CLSTN2: variants seen among roughly 807,000 people sequenced by gnomAD.
The protein encoded by CLSTN2 is calsyntenin-2.
Under a neutral mutation model 101.2 loss-of-function variants are expected in CLSTN2, and 48 were observed. That is an observed-to-expected ratio of 0.47 (90% CI 0.38 to 0.60). The LOEUF is 0.60. Among genes scored for constraint, CLSTN2 ranks in the 20% least tolerant of loss-of-function variants. The pLI, the probability that CLSTN2 is intolerant of heterozygous loss-of-function variation, is 0.00. For synonymous variants in CLSTN2, 481 were observed against 463.6 expected (o/e 1.04, Z -0.48); for missense variants, 1,160 against 1,238.2 (o/e 0.94, Z 0.95).
At position 140,576,417 on chromosome 3, in the gene CLSTN2, TG is replaced by T. The variant is rs1985732218; in HGVS notation, c.*10165del. 6.6e-6 allele frequency: 1 copy of T among 152,264 alleles called. No individual in the cohort carries two copies. 9.4% of individuals were successfully genotyped at this position (152,264 alleles called of 1,614,324 possible). On this transcript the variant is annotated 3_prime_UTR_variant, in exon 17 of 17. Transcript: ENST00000458420. ...CTATTGAATTTTTCACCTCCAGGCA[TG>T]ATTTTGTAACCAATGTAAAGGTTCT...
At chr3:140,394,220 A>ACAG (rs1458124622) in intron 2 of CLSTN2, among the ~76,000 whole-genome samples, 20 of 70,074 alleles carry the variant, frequency 2.9e-4, no homozygotes, top group Non-Finnish European at 7.0e-4. Flanking sequence ...TATGATGACC[A>ACAG]TAGGACAATG....
At chr3:140,483,512 C>CTT (rs1559883241) in intron 8 of CLSTN2, among the ~76,000 whole-genome samples, 16 of 152,052 alleles carry the variant, frequency 1.1e-4, no homozygotes, top group Admixed American at 9.8e-4. Context: ...AACTTTCTGT[C>CTT]GCATTGATCT....
chr3:140,075,830 C>T (rs933783542), intron 1 of CLSTN2, among the ~76,000 whole-genome samples: 1 of 151,912 alleles, frequency 6.6e-6, no homozygotes, highest in African/African-American at 2.4e-5. Context: ...GGCGGAGGGA[C>T]AGGAGGGGCC....
At chr3:140,384,775 C>A (rs891951060) in intron 2 of CLSTN2, among the ~76,000 whole-genome samples, 3 of 152,212 alleles carry the variant, frequency 2.0e-5, no homozygotes, top group African/African-American at 7.2e-5. Flanking sequence ...TGTCTTTCTT[C>A]TTCAGCTCAA....
intron 2 of CLSTN2, among the ~76,000 whole-genome samples, chr3:140,255,398 C>A (rs2086596369): frequency 6.6e-6 from 1 of 152,162 alleles, no homozygotes; most frequent in Admixed American, 6.5e-5. Flanking sequence ...TGGAATCAAC[C>A]TAGATGCCCA....
rs942796049 is a variant in CLSTN2 at position 140,313,920 on chromosome 3, C to T, written c.233-89709C>T. Among the ~76,000 whole-genome samples, 4 of 152,284 alleles carry T rather than the reference C, an allele frequency of 2.6e-5. No homozygotes were observed. The East Asian group carries it at 5.8e-4, about 22-fold the overall frequency. The stretch of plus-strand genomic sequence containing the variant: ...AACAGGAACAGGCCCCACTTTTTGG[C>T]GTTGTCCCCTTTGACCTGCCCCAGT... On this transcript the variant is annotated intron_variant, in intron 2 of 16. Coordinates refer to ENST00000458420, the MANE Select transcript of CLSTN2 (RefSeq NM_022131.3).
intron 1 of CLSTN2, among the ~76,000 whole-genome samples, chr3:139,943,560 T>C (rs191945337): frequency 6.5e-4 from 99 of 152,346 alleles, no homozygotes; most frequent in Admixed American, 2.6e-3. Flanking sequence ...CCAAACAGCA[T>C]GGTGCCTTGA....
intron 2 of CLSTN2, among the ~76,000 whole-genome samples, chr3:140,178,586 G>A (rs2107830156): frequency 6.6e-6 from 1 of 152,272 alleles, no homozygotes; most frequent in Non-Finnish European, 1.5e-5. Flanking sequence ...TGAGCTCTTA[G>A]GAGTAAAAAA....
At chr3:140,487,684 C>T (rs557784377) in intron 8 of CLSTN2, among the ~76,000 whole-genome samples, 1 of 152,368 alleles carries the variant, frequency 6.6e-6, no homozygotes, top group African/African-American at 2.4e-5. Context: ...GCCTCCTCAG[C>T]ATCACATGAA....
At chr3:140,530,388 T>G (rs1195119670) in intron 8 of CLSTN2, among the ~76,000 whole-genome samples, 4 of 152,212 alleles carry the variant, frequency 2.6e-5, no homozygotes, top group African/African-American at 9.7e-5. Flanking sequence ...TGAAAAGTTA[T>G]TATAGTTTGA....
At chr3:140,428,220 C>T (rs2088593321) in intron 5 of CLSTN2, among the ~76,000 whole-genome samples, 1 of 152,058 alleles carries the variant, frequency 6.6e-6, no homozygotes, top group Non-Finnish European at 1.5e-5. Flanking sequence ...AAATGCATCC[C>T]TTGTTTATGC....
At chr3:140,466,944 G>A (rs1333614331) in intron 8 of CLSTN2, among the ~76,000 whole-genome samples, 1 of 152,188 alleles carries the variant, frequency 6.6e-6, no homozygotes, top group African/African-American at 2.4e-5. Flanking sequence ...ACGCTTCCCA[G>A]CTGGGATGCT....
At chr3:140,533,824 C>T (rs889948817) in intron 9 of CLSTN2, among the ~76,000 whole-genome samples, 1 of 151,890 alleles carries the variant, frequency 6.6e-6, no homozygotes, top group African/African-American at 2.4e-5. Context: ...TGGGCAGCTC[C>T]ATGTAAAAGA....
chr3:140,184,973 C>T (rs977526927), intron 2 of CLSTN2, among the ~76,000 whole-genome samples: 2 of 152,204 alleles, frequency 1.3e-5, no homozygotes, highest in Admixed American at 6.5e-5. Flanking sequence ...ATAGCTACCA[C>T]TGGTGTGGCC....
Position 140,532,259 on chromosome 3 carries a change from A to G in CLSTN2, c.1345-65A>G. On this transcript the variant is annotated intron_variant, in intron 8 of 16. Transcript: ENST00000458420. Reference sequence around the variant, plus strand: ...ATGTGTTGTTCTCCTTTCATAGAGTAAAAGCCTGTTTGATGTTTTATTACA... The same window carrying G: ...ATGTGTTGTTCTCCTTTCATAGAGTGAAAGCCTGTTTGATGTTTTATTACA... The G allele has an allele frequency of 2.2e-6, 3 of 1,386,472 alleles. No homozygotes were observed. In the South Asian group the frequency reaches 4.3e-5, roughly 20 times the overall value. 85.9% of individuals were successfully genotyped at this position (1,386,472 alleles called of 1,614,324 possible).
rs151019927 is a variant in CLSTN2, at chr3:140,197,959, C to T, written c.232+21886C>T. ...TGGATGATCTCTAAGGTATTTCTGG[C>T]TTTGTTATCCTGTGGATCCTGGGCA... On this transcript the variant is annotated intron_variant, in intron 2 of 16. Coordinates refer to ENST00000458420, the MANE Select transcript of CLSTN2 (RefSeq NM_022131.3). 3.2e-3 allele frequency among the ~76,000 whole-genome samples: 486 copies of T among 152,226 alleles called. 2 individuals carry two copies. The highest frequency in any genetic ancestry group is 0.011 in the African/African-American group (451 of 41,542).
chr3:140,122,378 C>T (rs1420517448), intron 1 of CLSTN2, among the ~76,000 whole-genome samples: 1 of 152,164 alleles, frequency 6.6e-6, no homozygotes, highest in African/African-American at 2.4e-5. Flanking sequence ...AGGAGAAGAA[C>T]ATTTGGTACA....
intron 2 of CLSTN2, among the ~76,000 whole-genome samples, chr3:140,320,849 G>A (rs936214195): frequency 2.0e-5 from 3 of 152,138 alleles, no homozygotes; most frequent in Admixed American, 6.5e-5. Flanking sequence ...GGCAGTGAGG[G>A]AAGGCAGGAA....
In CLSTN2 at chr3:140,329,404, G is replaced by A. The variant is rs982429060; in HGVS notation, c.233-74225G>A. ...GTCTCCTAAATAAATAAATATAGAT[G>A]TCTTCTGTATCTTTTGACTTTACGA... On this transcript the variant is annotated intron_variant, in intron 2 of 16. Coordinates refer to ENST00000458420, the MANE Select transcript of CLSTN2 (RefSeq NM_022131.3). Among the ~76,000 whole-genome samples the A allele has an allele frequency of 4.6e-5, 7 of 152,208 alleles. No homozygotes were observed. In the South Asian group the frequency reaches 6.2e-4, roughly 14 times the overall value.
Sources: allele counts gnomAD v4.1 joint callset (sites outside exome capture counted in the v4.1 genomes callset), GRCh38; gene constraint gnomAD v4.1.1; transcripts MANE v1.5; gene names NCBI Gene and HGNC (gene_info 2026-07-23, HGNC 2026-07-21).